PTPN22: variants seen among roughly 807,000 people sequenced by gnomAD.
PTPN22 encodes protein tyrosine phosphatase non-receptor type 22.
In PTPN22, 85 loss-of-function variants were observed where a neutral mutation model predicts 103.3. That is an observed-to-expected ratio of 0.82 (90% CI 0.69 to 0.99). PTPN22 has a LOEUF of 0.99. Among genes scored for constraint, PTPN22 ranks in the 50% least tolerant of loss-of-function variants. The probability of loss-of-function intolerance (pLI) is 0.00; values close to 1 mark genes in which losing one functional copy is unlikely to be tolerated. For missense variants in PTPN22, 865 were observed against 936.9 expected (o/e 0.92, Z 1.00); for synonymous variants, 323 against 310.2 (o/e 1.04, Z -0.43).
chr1:113,843,565 C>G (rs758809713), intron 11 of PTPN22, among the ~76,000 whole-genome samples: 3 of 152,036 alleles, frequency 2.0e-5, no homozygotes, highest in Non-Finnish European at 2.9e-5. Context: ...TTAATGGATA[C>G]AGAGGGTCTG....
intron 10 of PTPN22, among the ~76,000 whole-genome samples, chr1:113,850,445 G>T (rs1357596733): frequency 6.6e-6 from 1 of 152,070 alleles, no homozygotes; most frequent in African/African-American, 2.4e-5. Context: ...TTAAAAGTAG[G>T]CCTGAAATGA....
chr1:113,831,672 C>T (rs1335261653), intron 16 of PTPN22, among the ~76,000 whole-genome samples: 2 of 151,928 alleles, frequency 1.3e-5, no homozygotes, highest in Non-Finnish European at 2.9e-5. Context: ...CTCCTTTTTT[C>T]TCTCTGTCTA....
rs1047746679 is a variant in PTPN22, at chr1:113,826,855, G to C, written c.2251-1683C>G. On this transcript the variant is annotated intron_variant, in intron 18 of 20. Coordinates refer to ENST00000359785, the Ensembl canonical transcript of PTPN22. ...CGGCTAATTTTTTGTATTTTTAGTA[G>C]AGACGGGGTTTCACCGTTTTAGCCG... 3.3e-4 allele frequency among the ~76,000 whole-genome samples: 50 copies of C among 151,008 alleles called. 1 individual carries two copies. Among genetic ancestry groups the C allele is most frequent in the African/African-American group, 1.1e-3 (46 of 41,154 alleles).
At position 113,829,582 on chromosome 1, in the gene PTPN22, T is replaced by C. The variant is rs367574404; in HGVS notation, c.2250+10A>G. On this transcript the variant is annotated intron_variant, in intron 18 of 20. Transcript: ENST00000359785. ...TCCGGCATGTTTCCCAAAACTCTTA[T>C]CTTCTTTACCTTACTCCTTGTGAAA... The C allele has an allele frequency of 1.3e-6, 2 of 1,507,638 alleles. No homozygotes were observed. The highest frequency in any genetic ancestry group is 1.8e-4 in the Middle Eastern group (1 of 5,578). The allele number at this position is 1,507,638 out of a possible 1,614,324, so 93.4% of individuals were successfully genotyped here.
chr1:113,870,334 C>G (rs964427469), intron 1 of PTPN22, among the ~76,000 whole-genome samples: 2 of 152,166 alleles, frequency 1.3e-5, no homozygotes, highest in Admixed American at 1.3e-4. Context: ...GTTTGTACTT[C>G]AGTTCCCCTC....
At chr1:113,837,539 A>G (rs779734037) in intron 13 of PTPN22, 51 bp downstream of exon 13, 1 of 1,326,596 alleles carries the variant, frequency 7.5e-7, no homozygotes, top group South Asian at 1.4e-5. Context: ...ACTATTCTAT[A>G]GAAACAAAAT....
chr1:113,826,855 G>T (rs1047746679), intron 18 of PTPN22, among the ~76,000 whole-genome samples: 1 of 150,894 alleles, frequency 6.6e-6, no homozygotes, highest in Non-Finnish European at 1.5e-5. Flanking sequence ...ATTTTTAGTA[G>T]AGACGGGGTT....
exon 15 of PTPN22, chr1:113,834,436 T>G: frequency 6.2e-7 from 1 of 1,612,028 alleles, no homozygotes; most frequent in Non-Finnish European, 8.5e-7. Context: ...TGGTGAGAAT[T>G]CTCCTGGAAG....
At chr1:113,853,043 A>G (rs749539556) in intron 9 of PTPN22, among the ~76,000 whole-genome samples, 11 of 152,258 alleles carry the variant, frequency 7.2e-5, no homozygotes, top group Non-Finnish European at 1.2e-4. Context: ...GGTTCAAGCG[A>G]TTCTCCTGCC....
intron 20 of PTPN22, among the ~76,000 whole-genome samples, 178 bp from the exon 21 acceptor site, chr1:113,815,147 A>G (rs1273704858): frequency 1.3e-5 from 2 of 152,000 alleles, no homozygotes; most frequent in Non-Finnish European, 1.5e-5. Flanking sequence ...TAAAGCTTAA[A>G]TGATAACAGA....
exon 9 of PTPN22, chr1:113,854,522 C>T (rs1258527426): frequency 6.2e-7 from 1 of 1,613,732 alleles, no homozygotes; most frequent in East Asian, 2.2e-5. Context: ...TAACACCAGT[C>T]CTTCCACAGC....
intron 16 of PTPN22, chr1:113,832,811 CTG>C: frequency 3.7e-6 from 1 of 267,502 alleles, no homozygotes; most frequent in South Asian, 4.5e-5. Flanking sequence ...TTGAATCACA[CTG>C]TTAACAGTGG....
chr1:113,847,367 G>T, intron 11 of PTPN22, among the ~76,000 whole-genome samples: 1 of 125,548 alleles, frequency 8.0e-6, no homozygotes. Flanking sequence ...GTTTTTAATT[G>T]CTCATTGAAG....
At chr1:113,860,894 A>G (rs1665522487) in intron 1 of PTPN22, among the ~76,000 whole-genome samples, 1 of 152,226 alleles carries the variant, frequency 6.6e-6, no homozygotes, top group Non-Finnish European at 1.5e-5. Flanking sequence ...AATGCTATAC[A>G]CAAAGCCCTT....
intron 13 of PTPN22, among the ~76,000 whole-genome samples, chr1:113,836,362 T>C (rs1663017881): frequency 6.6e-6 from 1 of 152,080 alleles, no homozygotes. Flanking sequence ...TATGCAAAAA[T>C]ACAGAATTAT....
In PTPN22 at chr1:113,834,329, CAG is replaced by C; in HGVS notation, c.2003_2004del (p.Ser668CysfsTer4). ...TTGACCTTGCTTGGTCTAAGTATCA[CAG>C]AGTCATCAAATTTCTTTGGTTCAGA... On this transcript the variant is annotated frameshift_variant, in exon 15 of 21. Transcript: ENST00000359785. LOFTEE classifies it high-confidence loss of function. The C allele has an allele frequency of 6.2e-7, 1 of 1,613,994 alleles. No individual in the cohort carries two copies.
intron 1 of PTPN22, among the ~76,000 whole-genome samples, chr1:113,869,963 C>T (rs563221363): frequency 6.6e-6 from 1 of 152,272 alleles, no homozygotes; most frequent in South Asian, 2.1e-4. Context: ...ATCGGAGTTC[C>T]TATCATAATA....
intron 1 of PTPN22, chr1:113,864,136 CA>C (rs1477864547): frequency 2.7e-6 from 1 of 369,070 alleles, no homozygotes; most frequent in African/African-American, 2.2e-5. Context: ...AACAAACAAA[CA>C]AAAAACTGAA....
intron 1 of PTPN22, among the ~76,000 whole-genome samples, chr1:113,864,925 A>AAAC (rs1665993005): frequency 3.3e-5 from 5 of 150,242 alleles, no homozygotes; most frequent in Non-Finnish European, 4.4e-5. Flanking sequence ...AAAAAAAAAA[A>AAAC]AAAATTACCA....
Sources: gnomAD v4.1 joint callset for allele counts (sites outside exome capture counted in the v4.1 genomes callset) on GRCh38, gnomAD v4.1.1 for gene constraint, MANE v1.5 for transcripts, NCBI Gene and HGNC (gene_info 2026-07-23, HGNC 2026-07-21) for gene names.